The following LRRN1 variants were observed in gnomAD, a reference collection of about 807,000 sequenced individuals.
The protein encoded by LRRN1 is leucine-rich repeat neuronal protein 1.
In LRRN1, 14 loss-of-function variants were observed where a neutral mutation model predicts 45.8. The observed-to-expected ratio is 0.31, with a 90% confidence interval of 0.20 to 0.48. LRRN1 has a LOEUF of 0.48. Among genes scored for constraint, LRRN1 ranks in the 20% least tolerant of loss-of-function variants. The probability of loss-of-function intolerance (pLI) is 0.99; values close to 1 mark genes in which losing one functional copy is unlikely to be tolerated. For synonymous variants in LRRN1, 359 were observed against 330.1 expected (o/e 1.09, Z -0.95); for missense variants, 789 against 874.2 (o/e 0.90, Z 1.23).
In LRRN1 at chr3:3,845,299, T is replaced by C. The variant is rs1216454337; in HGVS notation, c.658T>C (p.Leu220=). 1.2e-6 allele frequency: 2 copies of C among 1,614,138 alleles called. No homozygotes were observed. Among genetic ancestry groups the C allele is most frequent in the African/African-American group, 2.7e-5 (2 of 75,062 alleles). The change falls in exon 2 of 2, where the codon TTA becomes CTA. Residue 220 remains leucine (L), a synonymous_variant. Transcript: ENST00000319331. The surrounding 1 kb of genome is among the most constrained non-coding windows in gnomAD (Gnocchi z 6.5). ...NFKPLANLRS[L]VLAGMYLTDI... ...CAAACCCCTCGCAAATTTGAGAAGC[T>C]TAGTTTTGGCAGGAATGTATCTCAC... is the stretch of plus-strand genomic sequence containing the variant.
chr3:3,843,576 C>CT (rs894079737), intron 1 of LRRN1, among the ~76,000 whole-genome samples: 3 of 151,670 alleles, frequency 2.0e-5, no homozygotes, highest in South Asian at 4.2e-4. Context: ...TGTACCCCCC[C>CT]CCATACCCCT....
intron 1 of LRRN1, among the ~76,000 whole-genome samples, chr3:3,832,807 A>T (rs185319366): frequency 6.6e-6 from 1 of 152,232 alleles, no homozygotes. Context: ...TGTGACCTAG[A>T]AGTTTTCTGT....
chr3:3,844,345 G>C lies in LRRN1; in HGVS notation c.-278-19G>C, dbSNP rs1693708826. On this transcript the variant is annotated intron_variant, in intron 1 of 1. Transcript: ENST00000319331. ...AGTATATGGAATAAGCATAACATCT[G>C]TCCTAATCTAATTTTCAGGCACATC... The C allele has an allele frequency of 3.1e-6, 1 of 322,618 alleles. No individual in the cohort carries two copies. The highest frequency in any genetic ancestry group is 2.1e-5 in the African/African-American group (1 of 47,166). The allele number at this position is 322,618 out of a possible 1,614,324, so 20.0% of individuals were successfully genotyped here.
intron 1 of LRRN1, among the ~76,000 whole-genome samples, chr3:3,824,640 C>A (rs1464170655): frequency 2.0e-5 from 3 of 152,160 alleles, no homozygotes; most frequent in African/African-American, 7.2e-5. Context: ...TTAAAGAAAA[C>A]CAGCCACTGA....
chr3:3,830,973 A>G (rs1693359530), intron 1 of LRRN1, among the ~76,000 whole-genome samples: 1 of 152,190 alleles, frequency 6.6e-6, no homozygotes, highest in African/African-American at 2.4e-5. Context: ...ACTGTGATTC[A>G]TCTATGGGGG....
At chr3:3,802,102 T>A (rs1692665181) in intron 1 of LRRN1, among the ~76,000 whole-genome samples, 1 of 152,212 alleles carries the variant, frequency 6.6e-6, no homozygotes, top group Non-Finnish European at 1.5e-5. Flanking sequence ...CTGCAGGTGA[T>A]GCAACTGTCC....
intron 1 of LRRN1, among the ~76,000 whole-genome samples, chr3:3,834,564 T>TATATATATATATATATGATATATA (rs1406987073): frequency 1.8e-5 from 2 of 110,388 alleles, no homozygotes; most frequent in South Asian, 2.9e-4. Context: ...GATATATATA[T>TATATATATATATATATGATATATA]TATTATACAT....
intron 1 of LRRN1, among the ~76,000 whole-genome samples, chr3:3,824,207 A>T (rs1178002774): frequency 3.3e-5 from 5 of 152,212 alleles, no homozygotes; most frequent in Admixed American, 3.3e-4. Context: ...TAAGTCACTC[A>T]GTGTAGTGGT....
chr3:3,836,915 T>G (rs1575298296), intron 1 of LRRN1, among the ~76,000 whole-genome samples: 1 of 152,270 alleles, frequency 6.6e-6, no homozygotes, highest in East Asian at 1.9e-4. Context: ...TGGTATCTGC[T>G]GTGTACCTGT....
At chr3:3,834,246 T>G (rs1003289055) in intron 1 of LRRN1, among the ~76,000 whole-genome samples, 5 of 152,024 alleles carry the variant, frequency 3.3e-5, no homozygotes, top group Admixed American at 6.6e-5. Flanking sequence ...GCATTATGTA[T>G]AGAGTCACTG....
At chr3:3,836,282 G>A (rs1693510886) in intron 1 of LRRN1, among the ~76,000 whole-genome samples, 1 of 151,972 alleles carries the variant, frequency 6.6e-6, no homozygotes, top group Non-Finnish European at 1.5e-5. Context: ...TCACATTATT[G>A]TGTAACAGAT....
chr3:3,842,897 T>A (rs1428815435), intron 1 of LRRN1, among the ~76,000 whole-genome samples: 1 of 152,200 alleles, frequency 6.6e-6, no homozygotes, highest in African/African-American at 2.4e-5. Context: ...AATATTATCT[T>A]TGCCAGCAGG....
intron 1 of LRRN1, among the ~76,000 whole-genome samples, chr3:3,824,925 C>T (rs1411850468): frequency 2.0e-5 from 3 of 152,112 alleles, no homozygotes; most frequent in Non-Finnish European, 4.4e-5. Context: ...GTCCTGTGAT[C>T]TGTAAGGCCG....
In LRRN1 at chr3:3,847,404, ATAGT is replaced by A. The variant is rs1693802641; in HGVS notation, c.*615_*618del. On this transcript the variant is annotated 3_prime_UTR_variant, in exon 2 of 2. Transcript: ENST00000319331. ...TTTCCTTTTTTTTTTTTTTGTTGTA[ATAGT>A]TAAAGAGGCTTAGAACAAGCTAACA... 6.1e-6 allele frequency: 1 copy of A among 164,180 alleles called. No individual in the cohort carries two copies. Among genetic ancestry groups the A allele is most frequent in the East Asian group, 2.0e-4 (1 of 5,120 alleles). 10.2% of individuals were successfully genotyped at this position (164,180 alleles called of 1,614,324 possible). A position where few individuals can be genotyped will look rare whatever the true frequency, so the allele number is the denominator to read the frequency against.
chr3:3,830,720 C>T (rs917756773), intron 1 of LRRN1, among the ~76,000 whole-genome samples: 3 of 152,084 alleles, frequency 2.0e-5, no homozygotes, highest in African/African-American at 4.8e-5. Flanking sequence ...TGCTTGAGCC[C>T]GATCATGTAT....
rs982011073 is a variant in LRRN1 at position 3,848,795 on chromosome 3, C to T, written c.*2003C>T. On this transcript the variant is annotated 3_prime_UTR_variant, in exon 2 of 2. Transcript: ENST00000319331. ...TGCACTCCATTGATTGTTCTAGGCC[C>T]GGCAGCCTGTTAGGTTCCTGTGCAG... Among the ~76,000 whole-genome samples the T allele has an allele frequency of 3.9e-5, 6 of 152,142 alleles. No individual in the cohort carries two copies. Among genetic ancestry groups the T allele is most frequent in the African/African-American group, 1.4e-4 (6 of 41,428 alleles).
chr3:3,845,712 C>T lies in LRRN1; in HGVS notation c.1071C>T (p.Val357=), dbSNP rs1327693811. ...NALNAIYQKT[V]ESLPNLREIS... ...TGAATGCCATTTACCAAAAGACAGTCGAATCCCTCCCCAATCTGCGTGAGA... is the reference window on the plus strand; with the variant it reads ...TGAATGCCATTTACCAAAAGACAGTTGAATCCCTCCCCAATCTGCGTGAGA... Residue 357 remains valine (V), a synonymous_variant, in exon 2 of 2, where the codon GTC becomes GTT. Transcript: ENST00000319331. This position sits in a 1 kb window ranked among gnomAD's most constrained non-coding sequence, Gnocchi z 6.5. 1.2e-5 allele frequency: 19 copies of T among 1,614,018 alleles called. 1 individual carries two copies. In the East Asian group the frequency reaches 2.5e-4, roughly 21 times the overall value.
At chr3:3,809,993 C>T (rs371512915) in intron 1 of LRRN1, among the ~76,000 whole-genome samples, 9 of 152,194 alleles carry the variant, frequency 5.9e-5, no homozygotes, top group South Asian at 2.1e-4. Context: ...TTATGAAGTC[C>T]GTAGTTGACA....
rs1693798481 is a variant in LRRN1, at chr3:3,847,227, T to G, written c.*435T>G. ...CTAACATACGGTTTTGAAGCAGCAT[T>G]GAAACTTTTGTAGCAATCTGGTCTA... On this transcript the variant is annotated 3_prime_UTR_variant, in exon 2 of 2. Transcript: ENST00000319331. The G allele has an allele frequency of 5.9e-6, 1 of 168,322 alleles. No individual in the cohort carries two copies. The highest frequency in any genetic ancestry group is 2.0e-4 in the South Asian group (1 of 4,900). The allele number at this position is 168,322 out of a possible 1,614,324, so 10.4% of individuals were successfully genotyped here. A position where few individuals can be genotyped will look rare whatever the true frequency, so the allele number is the denominator to read the frequency against.
Sources: allele counts gnomAD v4.1 joint callset (sites outside exome capture counted in the v4.1 genomes callset), GRCh38; gene constraint gnomAD v4.1.1; non-coding constraint Gnocchi (gnomAD v3.1); transcripts MANE v1.5; gene names NCBI Gene and HGNC (gene_info 2026-07-23, HGNC 2026-07-21).